The following ZFPM2 variants were observed in gnomAD, a reference collection of about 807,000 sequenced individuals.
ZFPM2 encodes the protein zinc finger protein ZFPM2.
A neutral mutation model predicts 98.6 loss-of-function variants in ZFPM2; 20 were observed. The ratio of observed to expected loss-of-function variants is 0.20; its 90% CI spans 0.14 to 0.29. The LOEUF is 0.29. ZFPM2 is among the 10% of genes least tolerant of loss of function. ZFPM2 has a pLI of 1.00. For missense variants in ZFPM2, 1,310 were observed against 1,388.6 expected (o/e 0.94, Z 0.90); for synonymous variants, 518 against 502.7 (o/e 1.03, Z -0.41).
chr8:105,399,413 T>G (rs1252966765), intron 1 of ZFPM2, among the ~76,000 whole-genome samples: 1 of 152,110 alleles, frequency 6.6e-6, no homozygotes, highest in East Asian at 1.9e-4. Context: ...GAGGTAGAGC[T>G]TTTAAGGACA....
intron 3 of ZFPM2, among the ~76,000 whole-genome samples, chr8:105,511,423 G>C (rs1813815221): frequency 6.6e-6 from 1 of 152,192 alleles, no homozygotes; most frequent in African/African-American, 2.4e-5. Context: ...GTTGTAGTTG[G>C]GAAGTGGGTG....
chr8:105,383,966 A>C (rs973592027), intron 1 of ZFPM2, among the ~76,000 whole-genome samples: 1 of 152,222 alleles, frequency 6.6e-6, no homozygotes, highest in African/African-American at 2.4e-5. Context: ...AAAGAGAAGA[A>C]AGCTTCAAAT....
chr8:105,451,089 ACTT>A (rs1812476065), intron 3 of ZFPM2, among the ~76,000 whole-genome samples: 1 of 152,160 alleles, frequency 6.6e-6, no homozygotes, highest in Non-Finnish European at 1.5e-5. Context: ...TGATGATTAT[ACTT>A]CTTCAGCTGT....
intron 3 of ZFPM2, among the ~76,000 whole-genome samples, chr8:105,551,889 C>T (rs1814861229): frequency 6.6e-6 from 1 of 152,150 alleles, no homozygotes; most frequent in Non-Finnish European, 1.5e-5. Flanking sequence ...AACACAGGAT[C>T]TAGCACGTCT....
At position 105,712,475 on chromosome 8, in the gene ZFPM2, A is replaced by G. The variant is rs756319827; in HGVS notation, c.533-76243A>G. 2.3e-4 allele frequency among the ~76,000 whole-genome samples: 35 copies of G among 152,134 alleles called. 1 individual carries two copies. In the Middle Eastern group the frequency reaches 0.01, roughly 44 times the overall value. On this transcript the variant is annotated intron_variant, in intron 5 of 7. Transcript: ENST00000407775. ...ATTAACTGTGAGGAAACTGATGCGG[A>G]GGTATGTCGGAATCAAATCTTACCA...
chr8:105,451,058 A>G (rs1812475476), intron 3 of ZFPM2, among the ~76,000 whole-genome samples: 1 of 152,152 alleles, frequency 6.6e-6, no homozygotes, highest in South Asian at 2.1e-4. Context: ...TATAAAGTAT[A>G]CCAATTTATT....
At chr8:105,786,837 A>G (rs1460589753) in intron 5 of ZFPM2, among the ~76,000 whole-genome samples, 2 of 152,122 alleles carry the variant, frequency 1.3e-5, no homozygotes, top group African/African-American at 2.4e-5. Context: ...TAAAACCTCA[A>G]TTTCTCTTGG....
chr8:105,687,097 G>A (rs557335141), intron 5 of ZFPM2, among the ~76,000 whole-genome samples: 2 of 152,242 alleles, frequency 1.3e-5, no homozygotes, highest in East Asian at 3.9e-4. Flanking sequence ...TCTCCATGCT[G>A]TTTTTCCCTT....
intron 3 of ZFPM2, chr8:105,528,919 G>T (rs1468121730): frequency 6.6e-6 from 1 of 152,124 alleles, no homozygotes. Flanking sequence ...CTGAAGTAAA[G>T]AAAGTTTTGA....
chr8:105,733,082 A>C (rs1811979713), intron 5 of ZFPM2, among the ~76,000 whole-genome samples: 2 of 151,916 alleles, frequency 1.3e-5, no homozygotes, highest in Non-Finnish European at 2.9e-5. Context: ...ATTGGAATAT[A>C]TGTGAATCCG....
intron 3 of ZFPM2, among the ~76,000 whole-genome samples, chr8:105,457,792 G>A (rs555226638): frequency 6.6e-6 from 1 of 152,180 alleles, no homozygotes; most frequent in South Asian, 2.1e-4. Context: ...AGCTATACCT[G>A]CTACCTGGAA....
intron 5 of ZFPM2, among the ~76,000 whole-genome samples, chr8:105,646,893 TG>T (rs1481474462): frequency 6.6e-6 from 1 of 152,156 alleles, no homozygotes; most frequent in Non-Finnish European, 1.5e-5. Context: ...CCTGTGCCCC[TG>T]GATCTAAAGG....
chr8:105,510,286 A>G (rs1042903544), intron 3 of ZFPM2, among the ~76,000 whole-genome samples: 1 of 152,186 alleles, frequency 6.6e-6, no homozygotes, highest in Non-Finnish European at 1.5e-5. Context: ...TTTTTGAACA[A>G]TTTACATTTA....
intron 1 of ZFPM2, among the ~76,000 whole-genome samples, chr8:105,414,277 T>A (rs1310410418): frequency 6.6e-6 from 1 of 151,980 alleles, no homozygotes; most frequent in Non-Finnish European, 1.5e-5. Context: ...CCATAGAAGT[T>A]GGCATTTCTT....
chr8:105,765,531 T>C (rs537190984), intron 5 of ZFPM2, among the ~76,000 whole-genome samples: 40 of 151,916 alleles, frequency 2.6e-4, no homozygotes, highest in African/African-American at 9.2e-4. Context: ...ACTTCTCTAA[T>C]GAAGCTTGTA....
chr8:105,625,638 T>C (rs1012017691), intron 4 of ZFPM2, among the ~76,000 whole-genome samples: 7 of 151,576 alleles, frequency 4.6e-5, no homozygotes, highest in African/African-American at 1.7e-4. Context: ...TGGAGTGCAG[T>C]GGTGCGATCT....
Position 105,453,866 on chromosome 8 carries a change from C to T in ZFPM2, c.301+9485C>T, listed in dbSNP as rs184359810. Among the ~76,000 whole-genome samples the T allele has an allele frequency of 3.2e-3, 491 of 152,114 alleles. 2 individuals are homozygous for T. The highest frequency in any genetic ancestry group is 5.0e-3 in the Non-Finnish European group (337 of 68,008). On this transcript the variant is annotated intron_variant, in intron 3 of 7. Coordinates refer to ENST00000407775, the MANE Select transcript of ZFPM2 (RefSeq NM_012082.4). ...TCTCAAACTCCTGACCTCAAGTGAT[C>T]CACCCGCCTCAGCCTCCCAAAGTGT...
intron 5 of ZFPM2, among the ~76,000 whole-genome samples, chr8:105,647,839 C>T (rs11986107): frequency 0.47 from 71,794 of 151,850 alleles, 17,223 homozygotes; most frequent in African/African-American, 0.55. Context: ...AATAAATATA[C>T]GTGTGCATGT....
At position 105,503,486 on chromosome 8, in the gene ZFPM2, A is replaced by T. The variant is rs552750749; in HGVS notation, c.302-57877A>T. 2.3e-4 allele frequency among the ~76,000 whole-genome samples: 35 copies of T among 152,356 alleles called. 1 individual carries two copies. In the South Asian group the frequency reaches 6.8e-3, roughly 30 times the overall value. On this transcript the variant is annotated intron_variant, in intron 3 of 7. Coordinates refer to ENST00000407775, the MANE Select transcript of ZFPM2 (RefSeq NM_012082.4). ...CATTTTGGGAAAATAGTCTATGGAA[A>T]AAAACAAGATAAAGACCATGGGAAT... is the stretch of plus-strand genomic sequence containing the variant.
Sources: allele counts gnomAD v4.1 joint callset (sites outside exome capture counted in the v4.1 genomes callset), GRCh38; gene constraint gnomAD v4.1.1; transcripts MANE v1.5; gene names NCBI Gene and HGNC (gene_info 2026-07-23, HGNC 2026-07-21).